SPAG16: variants seen among roughly 807,000 people sequenced by gnomAD.
SPAG16 encodes sperm associated antigen 16, also known as sperm-associated antigen 16 protein.
Under a neutral mutation model 80.4 loss-of-function variants are expected in SPAG16, and 86 were observed. The ratio of observed to expected loss-of-function variants is 1.07; its 90% confidence interval spans 0.90 to 1.28. SPAG16 has a LOEUF of 1.28. SPAG16 is among the 50% of genes most tolerant of loss of function. SPAG16 has a pLI of 0.00. For missense variants in SPAG16, 870 were observed against 765.3 expected, an observed-to-expected ratio of 1.14 and a Z score of -1.61; for synonymous variants, 294 against 265.9, an observed-to-expected ratio of 1.11 and a Z score of -1.03.
chr2:213,658,211 C>T (rs1273126763), intron 10 of SPAG16, among the ~76,000 whole-genome samples: 1 of 149,812 alleles, frequency 6.7e-6, no homozygotes, highest in African/African-American at 2.5e-5. Flanking sequence ...ATCTTAAGCC[C>T]TCCTGTTCTT....
chr2:213,705,078 C>T (rs1462625895), intron 10 of SPAG16, among the ~76,000 whole-genome samples: 1 of 152,026 alleles, frequency 6.6e-6, no homozygotes, highest in Non-Finnish European at 1.5e-5. Flanking sequence ...TGGTGAAACC[C>T]TGTCCCTACT....
intron 10 of SPAG16, among the ~76,000 whole-genome samples, chr2:213,858,412 T>C (rs2075271292): frequency 6.6e-6 from 1 of 152,202 alleles, no homozygotes; most frequent in South Asian, 2.1e-4. Context: ...AGATTATGAC[T>C]GGATGAATGT....
At chr2:214,005,137 C>T (rs1052555199) in intron 12 of SPAG16, among the ~76,000 whole-genome samples, 1 of 152,076 alleles carries the variant, frequency 6.6e-6, no homozygotes, top group South Asian at 2.1e-4. Context: ...TTTATATTTT[C>T]GGTTTTCCAG....
chr2:213,625,862 G>C (rs1431096873), intron 10 of SPAG16, among the ~76,000 whole-genome samples: 3 of 151,618 alleles, frequency 2.0e-5, no homozygotes, highest in East Asian at 1.9e-4. Context: ...TAATTTTTTT[G>C]TATTTTCAAT....
intron 10 of SPAG16, among the ~76,000 whole-genome samples, chr2:213,511,878 T>G (rs966330738): frequency 6.6e-6 from 1 of 152,146 alleles, no homozygotes; most frequent in African/African-American, 2.4e-5. Flanking sequence ...AGCATATTTT[T>G]TTTCAAAATC....
intron 6 of SPAG16, 25 bp downstream of exon 6, chr2:213,340,295 T>G (rs1380382854): frequency 2.1e-6 from 3 of 1,438,854 alleles, no homozygotes; most frequent in East Asian, 4.6e-5. Flanking sequence ...GTTGGCATAT[T>G]TATTAAAGAG....
At chr2:213,665,369 T>TAAACACACACACACATACACACAC (rs1370433398) in intron 10 of SPAG16, among the ~76,000 whole-genome samples, 11 of 152,060 alleles carry the variant, frequency 7.2e-5, no homozygotes, top group African/African-American at 2.4e-4. Context: ...CCATGCTGGA[T>TAAACACACACACACATACACACAC]AAACACACAC....
At chr2:213,815,241 C>T (rs2072450023) in intron 10 of SPAG16, among the ~76,000 whole-genome samples, 1 of 152,202 alleles carries the variant, frequency 6.6e-6, no homozygotes. Context: ...TGGCTACATA[C>T]TATATGATTT....
At chr2:214,222,110 C>CT (rs10694178) in intron 15 of SPAG16, among the ~76,000 whole-genome samples, 1,706 of 103,586 alleles carry the variant, frequency 0.016, 71 homozygotes, top group Middle Eastern at 0.04. Context: ...CCTTGCTATT[C>CT]TTTTTTTTTT....
chr2:213,492,052 T>C (rs886219755), intron 10 of SPAG16, among the ~76,000 whole-genome samples: 3 of 152,220 alleles, frequency 2.0e-5, no homozygotes, highest in Non-Finnish European at 4.4e-5. Flanking sequence ...CCAATTGGTC[T>C]CATTTTCTGC....
rs2045566552 is a variant in SPAG16, at chr2:213,979,166, G to A, written c.1401-34785G>A. ...TACAGAAGGGTAGAAATAGTAGGAG[G>A]TGGGGACTCCTAGGAGTCTCTTGGA... is the stretch of plus-strand genomic sequence containing the variant. On this transcript the variant is annotated intron_variant, in intron 12 of 15. Coordinates refer to ENST00000331683, the MANE Select transcript of SPAG16 (RefSeq NM_024532.5). 2.0e-5 allele frequency among the ~76,000 whole-genome samples: 3 copies of A among 152,000 alleles called. No homozygotes were observed. In the South Asian group the frequency reaches 6.2e-4, roughly 32 times the overall value.
At chr2:213,970,644 G>A (rs536190958) in intron 12 of SPAG16, among the ~76,000 whole-genome samples, 57 of 152,338 alleles carry the variant, frequency 3.7e-4, no homozygotes, top group Non-Finnish European at 7.1e-4. Flanking sequence ...TGGTGAACAT[G>A]ACTGGGCATA....
intron 15 of SPAG16, among the ~76,000 whole-genome samples, chr2:214,272,223 T>A (rs78565581): frequency 6.6e-6 from 1 of 152,104 alleles, no homozygotes. Context: ...TATTTTATTA[T>A]ATTTTGCTAT....
intron 10 of SPAG16, among the ~76,000 whole-genome samples, chr2:213,646,166 C>G (rs767275237): frequency 6.6e-6 from 1 of 152,216 alleles, no homozygotes; most frequent in Admixed American, 6.5e-5. Flanking sequence ...TTTTTCCTAT[C>G]CCTTCAGTGC....
At chr2:213,860,620 A>G (rs1392872282) in intron 10 of SPAG16, among the ~76,000 whole-genome samples, 1 of 151,862 alleles carries the variant, frequency 6.6e-6, no homozygotes, top group Non-Finnish European at 1.5e-5. Flanking sequence ...GTCACAGAGG[A>G]GGCCACATAG....
chr2:213,626,548 C>G (rs2061965835), intron 10 of SPAG16, among the ~76,000 whole-genome samples: 1 of 151,678 alleles, frequency 6.6e-6, no homozygotes, highest in African/African-American at 2.4e-5. Context: ...TAAATTTAGA[C>G]AGTCTTGCTC....
At chr2:213,408,603 A>C (rs1481578577) in intron 9 of SPAG16, among the ~76,000 whole-genome samples, 1 of 152,230 alleles carries the variant, frequency 6.6e-6, no homozygotes, top group Non-Finnish European at 1.5e-5. Flanking sequence ...ATTACCGTAC[A>C]AAGGTCCGAC....
At chr2:214,157,263 A>C (rs2056256495) in intron 15 of SPAG16, among the ~76,000 whole-genome samples, 1 of 152,120 alleles carries the variant, frequency 6.6e-6, no homozygotes. Context: ...TAAAGTTTTA[A>C]GAGATTTAAT....
chr2:213,358,087 C>T (rs2065768225), intron 7 of SPAG16, among the ~76,000 whole-genome samples: 1 of 152,148 alleles, frequency 6.6e-6, no homozygotes, highest in African/African-American at 2.4e-5. Flanking sequence ...TATTGGCCCC[C>T]ACTCTCTTCT....
Sources: allele counts gnomAD v4.1 joint callset (sites outside exome capture counted in the v4.1 genomes callset), GRCh38; gene constraint gnomAD v4.1.1; transcripts MANE v1.5; gene names NCBI Gene and HGNC (gene_info 2026-07-23, HGNC 2026-07-21).